Variants in AGBL4 observed in about 807,000 individuals in gnomAD.
AGBL4 encodes the protein AGBL carboxypeptidase 4, also known as cytosolic carboxypeptidase 6.
Under a neutral mutation model 66.4 loss-of-function variants are expected in AGBL4, and 58 were observed. The ratio of observed to expected loss-of-function variants is 0.87; its 90% CI spans 0.71 to 1.09. The LOEUF is 1.09. Ranked by LOEUF, AGBL4 falls within the 50% of genes least tolerant of loss-of-function variation. AGBL4 has a pLI of 0.00. For missense variants in AGBL4, 579 were observed against 631.0 expected (o/e 0.92, Z 0.88); for synonymous variants, 234 against 222.9 (o/e 1.05, Z -0.44).
chr1:49,134,303 T>C (rs969930964), intron 4 of AGBL4, among the ~76,000 whole-genome samples: 6 of 152,122 alleles, frequency 3.9e-5, no homozygotes, highest in African/African-American at 1.4e-4. Flanking sequence ...CACATTGTCA[T>C]TGATAAACAT....
chr1:48,565,146 G>A (rs928508461), intron 11 of AGBL4, among the ~76,000 whole-genome samples: 1 of 152,204 alleles, frequency 6.6e-6, no homozygotes, highest in Non-Finnish European at 1.5e-5. Context: ...CCTAATTACA[G>A]CAGACGATGC....
At chr1:49,149,690 G>A (rs765747133) in intron 4 of AGBL4, among the ~76,000 whole-genome samples, 3 of 152,042 alleles carry the variant, frequency 2.0e-5, no homozygotes, top group Non-Finnish European at 2.9e-5. Flanking sequence ...TATTTGTAGC[G>A]GTACCATGAA....
intron 3 of AGBL4, among the ~76,000 whole-genome samples, chr1:49,656,923 A>C (rs1220919006): frequency 6.6e-6 from 1 of 152,342 alleles, no homozygotes; most frequent in Non-Finnish European, 1.5e-5. Context: ...AAAAACTGGA[A>C]GCATTCCCTT....
At chr1:49,745,165 A>G (rs1240470544) in intron 2 of AGBL4, among the ~76,000 whole-genome samples, 1 of 152,108 alleles carries the variant, frequency 6.6e-6, no homozygotes, top group Non-Finnish European at 1.5e-5. Context: ...CAAAGACAGA[A>G]GCAGAGCTCA....
intron 1 of AGBL4, among the ~76,000 whole-genome samples, chr1:49,911,808 C>T (rs981092373): frequency 6.6e-5 from 10 of 152,212 alleles, no homozygotes; most frequent in Admixed American, 5.2e-4. Flanking sequence ...AAAGGAATCA[C>T]ACACAATAGT....
chr1:49,965,892 A>T lies in AGBL4; in HGVS notation c.34+57871T>A, dbSNP rs182557180. On this transcript the variant is annotated intron_variant, in intron 1 of 13. Coordinates refer to ENST00000371839, the MANE Select transcript of AGBL4 (RefSeq NM_032785.4). ...ATTCAAGGCAATTTGGAAAGCAAAA[A>T]AATAATAATAATAATTCAACCAGAG... 2.6e-4 allele frequency among the ~76,000 whole-genome samples: 40 copies of T among 152,232 alleles called. No individual in the cohort carries two copies. In the East Asian group the frequency reaches 3.9e-3, roughly 15 times the overall value.
chr1:48,554,962 T>C (rs1425466723), intron 11 of AGBL4, among the ~76,000 whole-genome samples: 2 of 152,212 alleles, frequency 1.3e-5, no homozygotes, highest in Non-Finnish European at 2.9e-5. Flanking sequence ...ATCTGCTGTG[T>C]AAGGTACTGT....
intron 3 of AGBL4, among the ~76,000 whole-genome samples, chr1:49,282,064 T>A (rs999996334): frequency 6.6e-6 from 1 of 152,178 alleles, no homozygotes; most frequent in Admixed American, 6.5e-5. Flanking sequence ...GGCATCTGAC[T>A]ATCTCCAGGT....
At chr1:49,680,966 T>C (rs1646681968) in intron 3 of AGBL4, among the ~76,000 whole-genome samples, 1 of 152,120 alleles carries the variant, frequency 6.6e-6, no homozygotes, top group African/African-American at 2.4e-5. Flanking sequence ...TACATTAACG[T>C]TCACTGACAC....
intron 6 of AGBL4, among the ~76,000 whole-genome samples, chr1:48,741,463 C>A (rs1649898289): frequency 1.3e-5 from 2 of 152,236 alleles, no homozygotes; most frequent in Non-Finnish European, 2.9e-5. Context: ...ACGTTTCAAG[C>A]CTGCTGAAGG....
intron 3 of AGBL4, among the ~76,000 whole-genome samples, chr1:49,633,334 T>C (rs745662416): frequency 1.3e-5 from 2 of 152,192 alleles, no homozygotes; most frequent in East Asian, 1.9e-4. Flanking sequence ...GCAGGACTTA[T>C]GTCTATTTAA....
chr1:49,499,808 T>A (rs1647965298), intron 3 of AGBL4, among the ~76,000 whole-genome samples: 1 of 151,860 alleles, frequency 6.6e-6, no homozygotes, highest in African/African-American at 2.4e-5. Flanking sequence ...TGGTTACATA[T>A]TTTGGCAATT....
intron 3 of AGBL4, among the ~76,000 whole-genome samples, chr1:49,274,482 GATT>G (rs1250163773): frequency 2.6e-5 from 4 of 152,030 alleles, no homozygotes; most frequent in Non-Finnish European, 5.9e-5. Flanking sequence ...TAACAATTAT[GATT>G]ATTATGTCAA....
chr1:50,011,511 T>C (rs1319883836), intron 1 of AGBL4, among the ~76,000 whole-genome samples: 1 of 152,188 alleles, frequency 6.6e-6, no homozygotes, highest in Non-Finnish European at 1.5e-5. Flanking sequence ...CTACCTATGA[T>C]CCAGCAATCT....
chr1:49,833,113 T>A (rs1225006444), intron 2 of AGBL4, among the ~76,000 whole-genome samples: 1 of 152,210 alleles, frequency 6.6e-6, no homozygotes, highest in Non-Finnish European at 1.5e-5. Flanking sequence ...CTTCTAGGGT[T>A]TTTATGGTTT....
At chr1:48,741,291 T>C (rs1326862531) in intron 6 of AGBL4, among the ~76,000 whole-genome samples, 1 of 152,196 alleles carries the variant, frequency 6.6e-6, no homozygotes, top group African/African-American at 2.4e-5. Flanking sequence ...TTGGAGAGCA[T>C]CAATCCAATC....
rs1473014465 is a variant in AGBL4 at position 49,225,155 on chromosome 1, A to C, written c.377+20615T>G. 2.6e-5 allele frequency among the ~76,000 whole-genome samples: 4 copies of C among 152,324 alleles called. No homozygotes were observed. In the East Asian group the frequency reaches 7.7e-4, roughly 29 times the overall value. On this transcript the variant is annotated intron_variant, in intron 4 of 13. Coordinates refer to ENST00000371839, the MANE Select transcript of AGBL4 (RefSeq NM_032785.4). ...CAATCAACCAGAATTTATTGGGTAT[A>C]TCTACATGCAAACTACTGGGTGAAG...
At chr1:48,756,929 C>T (rs1643965458) in intron 6 of AGBL4, among the ~76,000 whole-genome samples, 1 of 152,136 alleles carries the variant, frequency 6.6e-6, no homozygotes, top group African/African-American at 2.4e-5. Flanking sequence ...TGTGCAATGG[C>T]CTTCAAGGCC....
chr1:48,588,976 C>T (rs906990193), intron 10 of AGBL4, among the ~76,000 whole-genome samples: 1 of 152,242 alleles, frequency 6.6e-6, no homozygotes, highest in South Asian at 2.1e-4. Flanking sequence ...GACTGTGCCC[C>T]TTTTGTAGTC....
Sources: gnomAD v4.1 joint callset for allele counts (sites outside exome capture counted in the v4.1 genomes callset) on GRCh38, gnomAD v4.1.1 for gene constraint, MANE v1.5 for transcripts, NCBI Gene and HGNC (gene_info 2026-07-23, HGNC 2026-07-21) for gene names.